The following CUL2 variants were observed in gnomAD, a reference collection of about 807,000 sequenced individuals.
The protein encoded by CUL2 is cullin-2.
Under a neutral mutation model 110.2 loss-of-function variants are expected in CUL2, and 22 were observed. That is an observed-to-expected ratio of 0.20 (90% CI 0.14 to 0.28). CUL2 has a LOEUF of 0.28. CUL2 is among the 10% of genes least tolerant of loss of function. CUL2 has a pLI of 1.00. For missense variants in CUL2, 631 were observed against 905.5 expected (o/e 0.70, Z 3.89); for synonymous variants, 279 against 293.2 (o/e 0.95, Z 0.49).
chr10:35,062,618 GC>G (rs1470240339), intron 3 of CUL2, among the ~76,000 whole-genome samples: 1 of 150,840 alleles, frequency 6.6e-6, no homozygotes, highest in Non-Finnish European at 1.5e-5. Flanking sequence ...GATCACTGGA[GC>G]CCAGGAGTTT....
chr10:35,105,053 G>A (rs1228640595), intron 1 of CUL2, among the ~76,000 whole-genome samples: 1 of 151,742 alleles, frequency 6.6e-6, no homozygotes, highest in Non-Finnish European at 1.5e-5. Context: ...GATATATTCA[G>A]GCTTGAGAAA....
intron 5 of CUL2, among the ~76,000 whole-genome samples, chr10:35,052,065 A>G (rs570444588): frequency 1.3e-5 from 2 of 152,256 alleles, no homozygotes; most frequent in African/African-American, 4.8e-5. Flanking sequence ...TTCCCCACAT[A>G]GAGTATAAAT....
chr10:35,038,128 C>T (rs762487599), intron 9 of CUL2, among the ~76,000 whole-genome samples: 36 of 151,944 alleles, frequency 2.4e-4, no homozygotes, highest in African/African-American at 7.0e-4. Flanking sequence ...CCAGCCTGGG[C>T]GACGGAGCGA....
intron 17 of CUL2, among the ~76,000 whole-genome samples, chr10:35,019,960 T>C (rs1215031198): frequency 2.0e-5 from 3 of 151,434 alleles, no homozygotes; most frequent in Non-Finnish European, 4.4e-5. Flanking sequence ...AATGGAGATA[T>C]CTGGTGGTTA....
chr10:35,088,014 TAAAATAGG>T (rs2087104061), intron 1 of CUL2, among the ~76,000 whole-genome samples: 1 of 152,176 alleles, frequency 6.6e-6, no homozygotes, highest in Admixed American at 6.5e-5. Flanking sequence ...TGTTCCTCCC[TAAAATAGG>T]AAAACTGTTC....
Position 35,016,299 on chromosome 10 carries a change from C to T in CUL2, c.1780G>A (p.Val594Ile), listed in dbSNP as rs147937108. 83 of 1,613,918 alleles carry T rather than the reference C, an allele frequency of 5.1e-5. No individual in the cohort carries two copies. The highest frequency in any genetic ancestry group is 6.7e-5 in the Non-Finnish European group (79 of 1,179,962). The change falls in exon 18 of 21, where the codon GTC (valine) becomes ATC (isoleucine). Residue 594 changes from valine to isoleucine, a missense_variant. Around this residue, in one of 3 missense-constraint regions of CUL2, gnomAD observed 159 missense variants for 202.7 expected, o/e 0.78. Coordinates refer to ENST00000374749, the MANE Select transcript of CUL2 (RefSeq NM_003591.4). Reference sequence around the variant, plus strand: ...CTGTCCTGAAGCTCTTTATAACTGACAGTTTCACTGTTGTTAAAGGCAAGA... The same window carrying T: ...CTGTCCTGAAGCTCTTTATAACTGATAGTTTCACTGTTGTTAAAGGCAAGA... ...VLLAFNNSET[V>I]SYKELQDSTQ... is the part of the protein sequence containing the mutation.
At chr10:35,054,087 A>T (rs1290170836) in intron 5 of CUL2, among the ~76,000 whole-genome samples, 1 of 152,160 alleles carries the variant, frequency 6.6e-6, no homozygotes, top group Non-Finnish European at 1.5e-5. Context: ...TGTATCCATA[A>T]ATTTGTGTTT....
At chr10:35,096,013 C>T (rs1038964428) in intron 2 of CUL2, among the ~76,000 whole-genome samples, 3 of 151,354 alleles carry the variant, frequency 2.0e-5, no homozygotes, top group Non-Finnish European at 3.0e-5. Flanking sequence ...TTTCGGAGTC[C>T]GAGGCGGGTG....
intron 8 of CUL2, among the ~76,000 whole-genome samples, chr10:35,039,321 G>C (rs1164575655): frequency 6.6e-6 from 1 of 152,184 alleles, no homozygotes; most frequent in Non-Finnish European, 1.5e-5. Flanking sequence ...TAAATAGTCT[G>C]CATTTTGTCT....
In CUL2 at chr10:35,031,271, GACAATACC is replaced by G. The variant is rs2085473925; in HGVS notation, c.1386+21_1386+28del. The G allele has an allele frequency of 1.4e-6, 2 of 1,387,488 alleles. No homozygotes were observed. The highest frequency in any genetic ancestry group is 2.0e-6 in the Non-Finnish European group (2 of 999,228). The allele number at this position is 1,387,488 out of a possible 1,614,324, so 85.9% of individuals were successfully genotyped here. ...TATGTGCTTGTGAATGAATTTCTAG[GACAATACC>G]ACATTAAAGACTTACATTACCTTTA... On this transcript the variant is annotated intron_variant, in intron 14 of 20. Transcript: ENST00000374749. The surrounding 1 kb of genome is among the most constrained non-coding windows in gnomAD (Gnocchi z 4.4).
At chr10:35,025,279 A>G in intron 16 of CUL2, 81 bp from the exon 17 acceptor site, 1 of 1,444,744 alleles carries the variant, frequency 6.9e-7, no homozygotes, top group Non-Finnish European at 9.1e-7. Context: ...TACAAAAGCA[A>G]TGAAAACCAT....
intron 4 of CUL2, 117 bp from the exon 5 acceptor site, chr10:35,054,656 A>T (rs1425928223): frequency 3.8e-6 from 2 of 524,854 alleles, no homozygotes; most frequent in Non-Finnish European, 6.6e-6. Flanking sequence ...ATAGCCTACT[A>T]ACAAATCCAA....
Position 35,035,205 on chromosome 10 carries a change from G to T in CUL2, c.969C>A (p.Gly323=). ...QELQNHIHDE[G]LRATSNLTQE... Reference sequence around the variant, plus strand: ...GAGTAAGGTTGCTGGTTGCTCGAAGGCCCTCATCATGGATGTGGTTTTGCA... The same window carrying T: ...GAGTAAGGTTGCTGGTTGCTCGAAGTCCCTCATCATGGATGTGGTTTTGCA... The change falls in exon 10 of 21, where the codon GGC becomes GGA. Residue 323 remains glycine, a synonymous_variant. Transcript: ENST00000374749. 7 of 1,614,162 alleles carry T rather than the reference G, an allele frequency of 4.3e-6. No homozygotes were observed. The highest frequency in any genetic ancestry group is 5.9e-6 in the Non-Finnish European group (7 of 1,180,016).
intron 14 of CUL2, among the ~76,000 whole-genome samples, chr10:35,030,740 C>T (rs1208758834): frequency 6.6e-6 from 1 of 152,046 alleles, no homozygotes; most frequent in Non-Finnish European, 1.5e-5. Context: ...AAAAAGAGCA[C>T]ACAGCAACTG....
In CUL2 at chr10:35,038,340, A is replaced by G. The variant is rs2085683394; in HGVS notation, c.877+580T>C. Among the ~76,000 whole-genome samples the G allele has an allele frequency of 2.0e-5, 3 of 151,570 alleles. No homozygotes were observed. The South Asian group carries it at 6.3e-4, about 32-fold the overall frequency. On this transcript the variant is annotated intron_variant, in intron 9 of 20. Transcript: ENST00000374749. ...GGAGTCCGAGACCAGCCTGACCAAC[A>G]TGGTGAAACCCTGTCTCTACTAAAA...
At chr10:35,046,548 A>G (rs2085946112) in intron 6 of CUL2, among the ~76,000 whole-genome samples, 2 of 152,208 alleles carry the variant, frequency 1.3e-5, no homozygotes, top group Admixed American at 6.5e-5. Flanking sequence ...AAAGTTTAAA[A>G]AGCTAACTGG....
rs537828467 is a variant in CUL2 at position 35,032,306 on chromosome 10, C to T, written c.1170+129G>A. ...CCTTACATAAATGCCAAACTATATACAATGTAGATAATTTTCCTTCTATTT... is the reference window on the plus strand; with the variant it reads ...CCTTACATAAATGCCAAACTATATATAATGTAGATAATTTTCCTTCTATTT... On this transcript the variant is annotated intron_variant, in intron 12 of 20. Transcript: ENST00000374749. 16 of 738,848 alleles carry T rather than the reference C, an allele frequency of 2.2e-5. 1 individual carries two copies. The highest frequency in any genetic ancestry group is 2.1e-4 in the South Asian group (13 of 60,610). The allele number at this position is 738,848 out of a possible 1,614,324, so 45.8% of individuals were successfully genotyped here.
chr10:35,019,747 T>C (rs1437844480), intron 17 of CUL2, among the ~76,000 whole-genome samples: 1 of 152,226 alleles, frequency 6.6e-6, no homozygotes, highest in African/African-American at 2.4e-5. Context: ...AGTATCTGTG[T>C]CAGCTCTCTA....
intron 9 of CUL2, among the ~76,000 whole-genome samples, 153 bp downstream of exon 9, chr10:35,038,767 G>C (rs12252747): frequency 0.03 from 4,501 of 151,790 alleles, 219 homozygotes; most frequent in African/African-American, 0.1. Context: ...TCCTAAAATA[G>C]TCTTTCAAAA....
Sources: allele counts gnomAD v4.1 joint callset (sites outside exome capture counted in the v4.1 genomes callset), GRCh38; gene constraint gnomAD v4.1.1; regional missense constraint gnomAD v4.1.1; non-coding constraint Gnocchi (gnomAD v3.1); transcripts MANE v1.5; gene names NCBI Gene and HGNC (gene_info 2026-07-23, HGNC 2026-07-21).